MARK1: variants seen among roughly 807,000 people sequenced by gnomAD.
MARK1 encodes the protein serine/threonine-protein kinase MARK1.
MARK1 carries 40 observed loss-of-function variants against 96.3 expected under a neutral mutation model. The observed-to-expected ratio is 0.42, with a 90% CI of 0.32 to 0.54. The LOEUF is 0.54. Ranked by LOEUF, MARK1 falls within the 20% of genes least tolerant of loss-of-function variation. MARK1 has a pLI of 0.16. For missense variants in MARK1, 719 were observed against 984.6 expected (o/e 0.73, Z 3.61); for synonymous variants, 317 against 341.2 (o/e 0.93, Z 0.78).
chr1:220,568,426 A>G (rs1350070941), intron 1 of MARK1, among the ~76,000 whole-genome samples: 1 of 152,146 alleles, frequency 6.6e-6, no homozygotes, highest in Admixed American at 6.6e-5. Context: ...AAGAATGGCT[A>G]TGAAACCAAT....
intron 9 of MARK1, among the ~76,000 whole-genome samples, chr1:220,622,820 G>A (rs1667116941): frequency 6.6e-6 from 1 of 152,174 alleles, no homozygotes; most frequent in Non-Finnish European, 1.5e-5. Flanking sequence ...AGGAGGTTGA[G>A]GATGCTGTAA....
intron 7 of MARK1, among the ~76,000 whole-genome samples, chr1:220,617,871 A>G (rs372229441): frequency 2.6e-5 from 4 of 152,266 alleles, no homozygotes; most frequent in African/African-American, 9.6e-5. Flanking sequence ...TATACCTTTG[A>G]GCCTTGCTTT....
At chr1:220,546,739 G>A (rs901098010) in intron 1 of MARK1, among the ~76,000 whole-genome samples, 1 of 152,212 alleles carries the variant, frequency 6.6e-6, no homozygotes, top group Non-Finnish European at 1.5e-5. Context: ...TTGGGAGGCT[G>A]AGGCAGGTGG....
At chr1:220,609,545 C>T (rs1666303757) in intron 6 of MARK1, among the ~76,000 whole-genome samples, 1 of 152,072 alleles carries the variant, frequency 6.6e-6, no homozygotes, top group Non-Finnish European at 1.5e-5. Flanking sequence ...GGGCATTTAG[C>T]CCATTTACAT....
At chr1:220,585,777 T>C (rs939868520) in intron 3 of MARK1, among the ~76,000 whole-genome samples, 12 of 152,228 alleles carry the variant, frequency 7.9e-5, no homozygotes, top group African/African-American at 2.7e-4. Context: ...TCACTCTGAA[T>C]GTCTTGAGAA....
At chr1:220,564,297 T>G (rs1662890972) in intron 1 of MARK1, among the ~76,000 whole-genome samples, 1 of 152,182 alleles carries the variant, frequency 6.6e-6, no homozygotes, top group Non-Finnish European at 1.5e-5. Context: ...GGTACTGCAC[T>G]GGGGAAGCCC....
chr1:220,541,645 A>G (rs1210636865), intron 1 of MARK1, among the ~76,000 whole-genome samples: 2 of 152,120 alleles, frequency 1.3e-5, no homozygotes, highest in African/African-American at 4.8e-5. Flanking sequence ...TGCTTTTATC[A>G]CTACGTAATA....
At chr1:220,558,265 A>G (rs1662424700) in intron 1 of MARK1, among the ~76,000 whole-genome samples, 1 of 151,260 alleles carries the variant, frequency 6.6e-6, no homozygotes, top group South Asian at 2.1e-4. Flanking sequence ...CTATTTTATT[A>G]TGCATTATGC....
intron 1 of MARK1, among the ~76,000 whole-genome samples, chr1:220,561,093 C>G (rs1378149989): frequency 1.3e-5 from 2 of 150,196 alleles, no homozygotes; most frequent in Non-Finnish European, 3.0e-5. Context: ...CCGAAGGACC[C>G]TGACATATAA....
intron 1 of MARK1, among the ~76,000 whole-genome samples, chr1:220,535,564 TATC>T (rs1660628437): frequency 6.6e-6 from 1 of 152,148 alleles, no homozygotes; most frequent in South Asian, 2.1e-4. Flanking sequence ...GTGCTTTTGA[TATC>T]ATATACAAGA....
At chr1:220,528,903 G>GT (rs1454573251) in intron 1 of MARK1, 30 bp downstream of exon 1, 38 of 1,544,470 alleles carry the variant, frequency 2.5e-5, no homozygotes, top group Non-Finnish European at 3.1e-5. Flanking sequence ...CTCGGGAGCA[G>GT]TGGGGGCGAG....
chr1:220,657,237 A>G (rs1669224437), intron 16 of MARK1, among the ~76,000 whole-genome samples: 1 of 152,152 alleles, frequency 6.6e-6, no homozygotes, highest in Non-Finnish European at 1.5e-5. Context: ...TTAAGATTGA[A>G]TCCGTGTTTT....
chr1:220,647,603 T>C (rs922225698), intron 13 of MARK1, among the ~76,000 whole-genome samples: 1 of 152,190 alleles, frequency 6.6e-6, no homozygotes, highest in African/African-American at 2.4e-5. Context: ...CTTATGTTCA[T>C]TGCAGCACTA....
chr1:220,534,884 C>A (rs1046505509), intron 1 of MARK1, among the ~76,000 whole-genome samples: 1 of 152,054 alleles, frequency 6.6e-6, no homozygotes, highest in Admixed American at 6.6e-5. Flanking sequence ...GAATAATATT[C>A]CATTGTATTA....
chr1:220,617,878 C>T (rs1010081901), intron 7 of MARK1, among the ~76,000 whole-genome samples: 1 of 152,164 alleles, frequency 6.6e-6, no homozygotes, highest in African/African-American at 2.4e-5. Context: ...TTGAGCCTTG[C>T]TTTAACCAAC....
chr1:220,604,017 A>G, intron 5 of MARK1, 50 bp from the exon 6 acceptor site: 1 of 1,227,604 alleles, frequency 8.1e-7, no homozygotes, highest in Non-Finnish European at 1.2e-6. Flanking sequence ...ATATATTGTT[A>G]ACCAAAAATC....
In MARK1 at chr1:220,584,736, T is replaced by C. The variant is rs527443424; in HGVS notation, c.309+3618T>C. Reference sequence around the variant, plus strand: ...GAATTCAATATATTTTAGCAAATTATCAGAAACCAAACTTGCAAAACCAAT... The same window carrying C: ...GAATTCAATATATTTTAGCAAATTACCAGAAACCAAACTTGCAAAACCAAT... On this transcript the variant is annotated intron_variant, in intron 3 of 17. Transcript: ENST00000366917. Among the ~76,000 whole-genome samples, 5 of 152,328 alleles carry C rather than the reference T, an allele frequency of 3.3e-5. No homozygotes were observed. The South Asian group carries it at 1.0e-3, about 32-fold the overall frequency.
At chr1:220,534,802 C>T (rs1468788629) in intron 1 of MARK1, among the ~76,000 whole-genome samples, 1 of 152,112 alleles carries the variant, frequency 6.6e-6, no homozygotes, top group East Asian at 1.9e-4. Context: ...TGGCTTATTT[C>T]ATTTTAGCAC....
At chr1:220,631,460 G>A (rs901995636) in intron 10 of MARK1, among the ~76,000 whole-genome samples, 6 of 152,128 alleles carry the variant, frequency 3.9e-5, no homozygotes, top group African/African-American at 7.2e-5. Context: ...AAGCATCAGC[G>A]AACATAGCAT....
Sources: gnomAD v4.1 joint callset for allele counts (sites outside exome capture counted in the v4.1 genomes callset) on GRCh38, gnomAD v4.1.1 for gene constraint, MANE v1.5 for transcripts, NCBI Gene and HGNC (gene_info 2026-07-23, HGNC 2026-07-21) for gene names.